RAB24: variants seen among roughly 807,000 people sequenced by gnomAD.
The protein encoded by RAB24 is RAB24, member RAS oncogene family.
RAB24 carries 9 observed loss-of-function variants against 31.4 expected under a neutral mutation model. The observed-to-expected ratio is 0.29, with a 90% CI of 0.17 to 0.50. RAB24 has a LOEUF of 0.50. RAB24 is among the 20% of genes least tolerant of loss of function. The pLI, the probability that RAB24 is intolerant of heterozygous loss-of-function variation, is 0.98. For synonymous variants in RAB24, 106 were observed against 94.1 expected (o/e 1.13, Z -0.73); for missense variants, 197 against 265.2 (o/e 0.74, Z 1.79).
chr5:177,301,829 G>A (rs1760663987), intron 7 of RAB24, 22 bp from the exon 8 acceptor site: 1 of 1,614,024 alleles, frequency 6.2e-7, no homozygotes, highest in Admixed American at 1.7e-5. Flanking sequence ...AGAGGTGGCA[G>A]CTCAGCACCA....
chr5:177,301,440 A>C lies in RAB24; in HGVS notation c.*303T>G. 5.0e-6 allele frequency: 2 copies of C among 396,288 alleles called. No homozygotes were observed. Among genetic ancestry groups the C allele is most frequent in the Non-Finnish European group, 9.3e-6 (2 of 215,262 alleles). 24.5% of individuals were successfully genotyped at this position (396,288 alleles called of 1,614,324 possible). Reference sequence around the variant, plus strand: ...TGACACCTAATCCACACAGCAGGGAAAGGGGCTGGGTGTGATGCACAGTGC... The same window carrying C: ...TGACACCTAATCCACACAGCAGGGACAGGGGCTGGGTGTGATGCACAGTGC... On this transcript the variant is annotated 3_prime_UTR_variant, in exon 8 of 8. Coordinates refer to ENST00000303251, the MANE Select transcript of RAB24 (RefSeq NM_001031677.4).
At chr5:177,302,208 C>G (rs749838594) in intron 5 of RAB24, 30 bp from the exon 6 acceptor site, 8 of 1,611,914 alleles carry the variant, frequency 5.0e-6, no homozygotes, top group Non-Finnish European at 6.8e-6. Context: ...AAGCCTCATA[C>G]CTGAGAATTA....
chr5:177,302,363 AC>A (rs1259140563), intron 5 of RAB24, 33 bp downstream of exon 5: 1 of 1,605,810 alleles, frequency 6.2e-7, no homozygotes. Context: ...ACAGCCACAC[AC>A]CCCCACCCCC....
intron 4 of RAB24, 39 bp downstream of exon 4, chr5:177,302,538 C>T (rs758881585): frequency 6.2e-7 from 1 of 1,614,070 alleles, no homozygotes; most frequent in South Asian, 1.1e-5. Context: ...GCCAACAAAA[C>T]CCCAGCCCCT....
intron 4 of RAB24, 39 bp downstream of exon 4, chr5:177,302,538 C>G: frequency 6.2e-7 from 1 of 1,614,070 alleles, no homozygotes; most frequent in South Asian, 1.1e-5. Flanking sequence ...GCCAACAAAA[C>G]CCCAGCCCCT....
At chr5:177,302,367 C>A in intron 5 of RAB24, 30 bp downstream of exon 5, 1 of 1,607,116 alleles carries the variant, frequency 6.2e-7, no homozygotes, top group South Asian at 1.1e-5. Context: ...CCACACACCC[C>A]CACCCCCCAA....
In RAB24 at chr5:177,301,985, C is replaced by T. The variant is rs747223264; in HGVS notation, c.487G>A (p.Glu163Lys). 3.1e-6 allele frequency: 5 copies of T among 1,614,014 alleles called. No homozygotes were observed. The African/African-American group carries it at 4.0e-5, about 13-fold the overall frequency. ...TCCTCTGCCACTTTCTGGAAGAGCT[C>T]GTCTGGCAGGAAAAATGATGATCAG... ...TSSKTGQSVDELFQKVAEDYV... is the reference protein window; with the variant it reads ...TSSKTGQSVDKLFQKVAEDYV... Residue 163 changes from glutamate to lysine, a missense_variant and splice_region_variant, in exon 7 of 8, where the codon GAG becomes AAG. Glu to Lys is a moderately conservative substitution (Grantham distance 56, BLOSUM62 1). Transcript: ENST00000303251.
chr5:177,302,910 G>A, intron 2 of RAB24, 80 bp from the exon 3 acceptor site: 1 of 1,593,842 alleles, frequency 6.3e-7, no homozygotes, highest in Admixed American at 1.7e-5. Flanking sequence ...ACGGGTCTAT[G>A]AGAAATGGGT....
chr5:177,303,294 C>A lies in RAB24; in HGVS notation c.-6G>T. ...TCCACGCGCTGCCCGCTCATGCTCC[C>A]GGGGCCGCTTCAGCCACGTCAGGGT... On this transcript the variant is annotated 5_prime_UTR_variant, in exon 1 of 8. Coordinates refer to ENST00000303251, the MANE Select transcript of RAB24 (RefSeq NM_001031677.4). This position sits in a 1 kb window ranked among gnomAD's most constrained non-coding sequence, Gnocchi z 6.1. The A allele has an allele frequency of 6.2e-7, 1 of 1,613,442 alleles. No individual in the cohort carries two copies. Among genetic ancestry groups the A allele is most frequent in the Non-Finnish European group, 8.5e-7 (1 of 1,179,878 alleles).
At position 177,303,383 on chromosome 5, in the gene RAB24, AC is replaced by A. The variant is rs1760753771; in HGVS notation, c.-96del. ...GGCCCAGGCAGCGCCCAAGCCTCAG[AC>A]CCCGACCCCAAACGGCGCCAACCTA... is the stretch of plus-strand genomic sequence containing the variant. On this transcript the variant is annotated 5_prime_UTR_variant, in exon 1 of 8. Transcript: ENST00000303251. The surrounding 1 kb of genome is among the most constrained non-coding windows in gnomAD (Gnocchi z 6.1). The A allele has an allele frequency of 1.6e-6, 2 of 1,235,922 alleles. No homozygotes were observed. Among genetic ancestry groups the A allele is most frequent in the African/African-American group, 1.5e-5 (1 of 67,472 alleles). The allele number at this position is 1,235,922 out of a possible 1,614,324, so 76.6% of individuals were successfully genotyped here. A position where few individuals can be genotyped will look rare whatever the true frequency, so the allele number is the denominator to read the frequency against.
In RAB24 at chr5:177,301,448, G is replaced by A. The variant is rs1324971258; in HGVS notation, c.*295C>T. On this transcript the variant is annotated 3_prime_UTR_variant, in exon 8 of 8. Transcript: ENST00000303251. ...AATCCACACAGCAGGGAAAGGGGCT[G>A]GGTGTGATGCACAGTGCACTGATTT... 1.2e-5 allele frequency: 5 copies of A among 434,136 alleles called. No individual in the cohort carries two copies. Among genetic ancestry groups the A allele is most frequent in the Middle Eastern group, 6.5e-4 (1 of 1,538 alleles). 26.9% of individuals were successfully genotyped at this position (434,136 alleles called of 1,614,324 possible). A position where few individuals can be genotyped will look rare whatever the true frequency, so the allele number is the denominator to read the frequency against.
intron 5 of RAB24, 38 bp downstream of exon 5, chr5:177,302,359 A>T (rs760244166): frequency 3.7e-6 from 6 of 1,607,998 alleles, no homozygotes; most frequent in Non-Finnish European, 5.1e-6. Flanking sequence ...CCAGACAGCC[A>T]CACACCCCCA....
Position 177,301,685 on chromosome 5 carries a change from C to G in RAB24, c.*58G>C. 6.3e-7 allele frequency: 1 copy of G among 1,590,790 alleles called. No individual in the cohort carries two copies. ...TTGACTACCCAAGCCCAGAAAGGAG[C>G]TGGGTCCAGCCCTTACGGGGAATTC... is the stretch of plus-strand genomic sequence containing the variant. On this transcript the variant is annotated 3_prime_UTR_variant, in exon 8 of 8. Coordinates refer to ENST00000303251, the MANE Select transcript of RAB24 (RefSeq NM_001031677.4).
Position 177,302,427 on chromosome 5 carries a change from C to A in RAB24, c.403G>T (p.Asp135Tyr). The A allele has an allele frequency of 6.2e-7, 1 of 1,613,628 alleles. No individual in the cohort carries two copies. Among genetic ancestry groups the A allele is most frequent in the South Asian group, 1.1e-5 (1 of 91,084 alleles). ...LEEDRRRRRV[D>Y]FHDVQDYADN... Reference sequence around the variant, plus strand: ...GCATAGTCCTGGACGTCGTGGAAGTCCACACGTCGACGCCTCCGGTCTTCT... The same window carrying A: ...GCATAGTCCTGGACGTCGTGGAAGTACACACGTCGACGCCTCCGGTCTTCT... Residue 135 changes from aspartate (D) to tyrosine (Y), a missense_variant, in exon 5 of 8, where the codon GAC becomes TAC. By Grantham distance (160) the Asp-to-Tyr change is radical (BLOSUM62 -3). Transcript: ENST00000303251.
chr5:177,302,369 A>G, intron 5 of RAB24, 28 bp downstream of exon 5: 1 of 1,607,164 alleles, frequency 6.2e-7, no homozygotes, highest in Non-Finnish European at 8.5e-7. Context: ...ACACACCCCC[A>G]CCCCCCAAAG....
Position 177,301,582 on chromosome 5 carries a change from C to A in RAB24, c.*161G>T. ...TCCCTCCTCATGCCCACAGTCAGCC[C>A]AATGCTGTCTCCGTTCCATGGGCCA... is the stretch of plus-strand genomic sequence containing the variant. On this transcript the variant is annotated 3_prime_UTR_variant, in exon 8 of 8. Coordinates refer to ENST00000303251, the MANE Select transcript of RAB24 (RefSeq NM_001031677.4). 2 of 768,646 alleles carry A rather than the reference C, an allele frequency of 2.6e-6. No individual in the cohort carries two copies. Among genetic ancestry groups the A allele is most frequent in the Non-Finnish European group, 2.1e-6 (1 of 469,622 alleles). 47.6% of individuals were successfully genotyped at this position (768,646 alleles called of 1,614,324 possible).
rs775804716 is a variant in RAB24, at chr5:177,302,411, T to C, written c.419A>G (p.Gln140Arg). 1.2e-5 allele frequency: 19 copies of C among 1,613,428 alleles called. No homozygotes were observed. In the Admixed American group the frequency reaches 3.0e-4, roughly 25 times the overall value. Residue 140 changes from glutamine to arginine, a missense_variant, in exon 5 of 8, where the codon CAG (glutamine) becomes CGG (arginine). This residue lies in a region of RAB24 where 148 missense variants were observed against 159.7 expected (regional missense o/e 0.93). Transcript: ENST00000303251. ...RRRRVDFHDV[Q>R]DYADNIKAQL... ...GGAGCAGCTACTGTCTGCATAGTCC[T>C]GGACGTCGTGGAAGTCCACACGTCG...
rs1760674257 is a variant in RAB24 at position 177,301,952 on chromosome 5, T to TGAC, written c.517_519dup (p.Val173dup). The TGAC allele has an allele frequency of 6.2e-7, 1 of 1,614,238 alleles. No homozygotes were observed. Among genetic ancestry groups the TGAC allele is most frequent in the Non-Finnish European group, 8.5e-7 (1 of 1,180,034 alleles). On this transcript the variant is annotated inframe_insertion, in exon 7 of 8. Transcript: ENST00000303251. ...GTCATCACCTGGAAGGCAGCCACAC[T>TGAC]GACGTAATCCTCTGCCACTTTCTGG... is the stretch of plus-strand genomic sequence containing the variant.
In RAB24 at chr5:177,301,506, GCAGA is replaced by G; in HGVS notation, c.*233_*236del. On this transcript the variant is annotated 3_prime_UTR_variant, in exon 8 of 8. Coordinates refer to ENST00000303251, the MANE Select transcript of RAB24 (RefSeq NM_001031677.4). ...AGATCAAAAGCCACTTAAATAATCT[GCAGA>G]CACAAGTGCTGTCCAGGGCAGAAGC... The G allele has an allele frequency of 1.7e-6, 1 of 577,304 alleles. No homozygotes were observed. Among genetic ancestry groups the G allele is most frequent in the South Asian group, 2.1e-5 (1 of 47,988 alleles). The allele number at this position is 577,304 out of a possible 1,614,324, so 35.8% of individuals were successfully genotyped here.
Sources: gnomAD v4.1 joint callset for allele counts on GRCh38, gnomAD v4.1.1 for gene constraint, gnomAD v4.1.1 regional missense constraint, Gnocchi (gnomAD v3.1) non-coding constraint, MANE v1.5 for transcripts, NCBI Gene and HGNC (gene_info 2026-07-23, HGNC 2026-07-21) for gene names.